The following RIMS1 variants were observed in gnomAD, a reference collection of about 807,000 sequenced individuals.
RIMS1 encodes regulating synaptic membrane exocytosis 1, also known as regulating synaptic membrane exocytosis protein 1.
Under a neutral mutation model 214.1 loss-of-function variants are expected in RIMS1, and 83 were observed. The ratio of observed to expected loss-of-function variants is 0.39; its 90% confidence interval spans 0.32 to 0.47. The LOEUF is 0.47. RIMS1 is among the 20% of genes least tolerant of loss of function. The pLI, the probability that RIMS1 is intolerant of heterozygous loss-of-function variation, is 0.99. For missense variants in RIMS1, 2,050 were observed against 2,161.8 expected, an observed-to-expected ratio of 0.95 and a Z score of 1.03; for synonymous variants, 793 against 786.8, an observed-to-expected ratio of 1.01 and a Z score of -0.13.
At chr6:71,925,615 C>T (rs1781351011) in intron 1 of RIMS1, among the ~76,000 whole-genome samples, 2 of 152,092 alleles carry the variant, frequency 1.3e-5, no homozygotes, top group South Asian at 4.1e-4. Flanking sequence ...AATTTCTAAC[C>T]ACCATGTTGG....
chr6:72,229,979 A>G (rs1451603222), intron 6 of RIMS1, among the ~76,000 whole-genome samples: 2 of 151,932 alleles, frequency 1.3e-5, no homozygotes, highest in East Asian at 1.9e-4. Flanking sequence ...AAAACATTCA[A>G]TAAACATATT....
chr6:72,139,727 AT>A (rs1032947773), intron 4 of RIMS1, among the ~76,000 whole-genome samples: 17 of 152,012 alleles, frequency 1.1e-4, no homozygotes, highest in African/African-American at 2.9e-4. Flanking sequence ...TATTTTTAAT[AT>A]TTTTTTCAAA....
chr6:72,213,656 T>G (rs1287562197), intron 6 of RIMS1, among the ~76,000 whole-genome samples: 1 of 152,164 alleles, frequency 6.6e-6, no homozygotes, highest in Non-Finnish European at 1.5e-5. Context: ...CAGTAATCAT[T>G]AGTGGAATGT....
chr6:71,938,982 C>T (rs1402184538), intron 1 of RIMS1, among the ~76,000 whole-genome samples: 1 of 152,176 alleles, frequency 6.6e-6, no homozygotes, highest in Non-Finnish European at 1.5e-5. Flanking sequence ...TTTCCTCTCA[C>T]ATCTCACTGT....
intron 2 of RIMS1, among the ~76,000 whole-genome samples, chr6:72,033,371 T>C (rs1818694997): frequency 6.6e-6 from 1 of 152,252 alleles, no homozygotes; most frequent in Non-Finnish European, 1.5e-5. Context: ...CCTGGGCATG[T>C]AATTGTTGCA....
intron 2 of RIMS1, among the ~76,000 whole-genome samples, chr6:72,071,376 C>A (rs191539477): frequency 3.9e-5 from 6 of 152,198 alleles, no homozygotes; most frequent in Middle Eastern, 3.4e-3. Context: ...TACACTCCAG[C>A]CTGGGTGACA....
intron 1 of RIMS1, among the ~76,000 whole-genome samples, chr6:71,926,558 T>C (rs531822973): frequency 9.1e-4 from 138 of 152,320 alleles, no homozygotes; most frequent in African/African-American, 3.1e-3. Flanking sequence ...CTGCTCAGCA[T>C]TGTACAAACA....
intron 10 of RIMS1, 74 bp from the exon 11 acceptor site, chr6:72,245,741 G>T: frequency 1.7e-6 from 2 of 1,152,658 alleles, no homozygotes; most frequent in Non-Finnish European, 1.3e-6. Flanking sequence ...TTCACATCAC[G>T]TATAATGGGC....
At chr6:72,129,321 G>A (rs1317288248) in intron 4 of RIMS1, among the ~76,000 whole-genome samples, 1 of 152,078 alleles carries the variant, frequency 6.6e-6, no homozygotes, top group Non-Finnish European at 1.5e-5. Context: ...ACTATATAGA[G>A]AATTAATAAT....
intron 29 of RIMS1, among the ~76,000 whole-genome samples, chr6:72,383,001 T>A (rs917906295): frequency 6.6e-6 from 1 of 152,196 alleles, no homozygotes; most frequent in Non-Finnish European, 1.5e-5. Flanking sequence ...AGCCTTTTTT[T>A]AGAAATCTTC....
intron 4 of RIMS1, among the ~76,000 whole-genome samples, chr6:72,135,819 A>G (rs2041189515): frequency 6.6e-6 from 1 of 152,182 alleles, no homozygotes; most frequent in African/African-American, 2.4e-5. Flanking sequence ...GTGATAAAAC[A>G]AAGCCAGTCA....
intron 18 of RIMS1, 153 bp from the exon 19 acceptor site, chr6:72,260,552 C>G: frequency 9.9e-7 from 1 of 1,012,086 alleles, no homozygotes; most frequent in African/African-American, 1.6e-5. Context: ...TTTTTAAATG[C>G]TTTTATGTTT....
At chr6:72,011,317 CA>C (rs1161604087) in intron 2 of RIMS1, among the ~76,000 whole-genome samples, 16 of 152,154 alleles carry the variant, frequency 1.1e-4, no homozygotes, top group African/African-American at 3.9e-4. Context: ...ACACCTTACA[CA>C]AAAATTAATT....
intron 2 of RIMS1, among the ~76,000 whole-genome samples, chr6:72,008,246 T>C (rs890645692): frequency 6.6e-5 from 10 of 152,040 alleles, no homozygotes; most frequent in Non-Finnish European, 1.0e-4. Context: ...GAAGGAGAAA[T>C]AAAATACTTT....
intron 1 of RIMS1, among the ~76,000 whole-genome samples, chr6:71,944,491 C>T (rs979345333): frequency 6.6e-6 from 1 of 151,860 alleles, no homozygotes; most frequent in Non-Finnish European, 1.5e-5. Context: ...GGATTGAAGG[C>T]TATGTTGAGG....
At chr6:71,944,808 G>T (rs1787282534) in intron 1 of RIMS1, among the ~76,000 whole-genome samples, 1 of 152,142 alleles carries the variant, frequency 6.6e-6, no homozygotes, top group South Asian at 2.1e-4. Context: ...CTGGCATTCA[G>T]ATCATACATT....
At chr6:72,041,732 G>T (rs1821490851) in intron 2 of RIMS1, among the ~76,000 whole-genome samples, 1 of 151,880 alleles carries the variant, frequency 6.6e-6, no homozygotes, top group Non-Finnish European at 1.5e-5. Flanking sequence ...CCCTAGCATT[G>T]ATGTATATTT....
chr6:72,364,052 A>G (rs1300777230), intron 29 of RIMS1, among the ~76,000 whole-genome samples: 1 of 152,202 alleles, frequency 6.6e-6, no homozygotes, highest in Non-Finnish European at 1.5e-5. Flanking sequence ...GTCACCTGGC[A>G]CCAACTCCTC....
At chr6:72,198,347 TCA>T (rs2051346827) in intron 6 of RIMS1, among the ~76,000 whole-genome samples, 2 of 151,990 alleles carry the variant, frequency 1.3e-5, no homozygotes, top group Non-Finnish European at 2.9e-5. Context: ...ATCATCATCA[TCA>T]TCTGCAGTAA....
Sources: gnomAD v4.1 joint callset for allele counts (sites outside exome capture counted in the v4.1 genomes callset) on GRCh38, gnomAD v4.1.1 for gene constraint, MANE v1.5 for transcripts, NCBI Gene and HGNC (gene_info 2026-07-23, HGNC 2026-07-21) for gene names.